TLN2: variants seen among roughly 807,000 people sequenced by gnomAD.
TLN2 encodes the protein talin-2.
In TLN2, 118 loss-of-function variants were observed where a neutral mutation model predicts 294.7. The observed-to-expected ratio is 0.40, with a 90% CI of 0.34 to 0.47. The LOEUF is 0.47. Among genes scored for constraint, TLN2 ranks in the 20% least tolerant of loss-of-function variants. The pLI, the probability that TLN2 is intolerant of heterozygous loss-of-function variation, is 0.84. For synonymous variants in TLN2, 1,431 were observed against 1,304.5 expected (o/e 1.10, Z -2.09); for missense variants, 3,083 against 3,282.2 (o/e 0.94, Z 1.48).
At position 62,455,572 on chromosome 15, in the gene TLN2, G is replaced by A. The variant is rs147080339; in HGVS notation, c.-238+64887G>A. ...TTTTAGAAAGAGTAACCTACACCTC[G>A]TTCCTACTCATCGACTTCTGCGGTT... On this transcript the variant is annotated intron_variant, in intron 1 of 58. Coordinates refer to ENST00000636159, the MANE Select transcript of TLN2 (RefSeq NM_015059.3). 1.8e-3 allele frequency among the ~76,000 whole-genome samples: 281 copies of A among 152,254 alleles called. 2 individuals carry two copies. The highest frequency in any genetic ancestry group is 5.0e-3 in the Admixed American group (77 of 15,292).
At chr15:62,697,228 C>G (rs1008470576) in intron 14 of TLN2, among the ~76,000 whole-genome samples, 2 of 152,090 alleles carry the variant, frequency 1.3e-5, no homozygotes, top group African/African-American at 4.8e-5. Flanking sequence ...TCACCTCATC[C>G]TCTTGAATAG....
chr15:62,576,375 G>C (rs1237322621), intron 1 of TLN2, among the ~76,000 whole-genome samples: 2 of 152,116 alleles, frequency 1.3e-5, no homozygotes, highest in Admixed American at 6.5e-5. Flanking sequence ...TTAGACTCTA[G>C]AGGAGCACTG....
At chr15:62,592,415 G>C (rs1329114985) in intron 2 of TLN2, among the ~76,000 whole-genome samples, 1 of 152,136 alleles carries the variant, frequency 6.6e-6, no homozygotes. Context: ...TGCCTAATTG[G>C]TATGCTTCAC....
intron 1 of TLN2, among the ~76,000 whole-genome samples, chr15:62,582,112 C>T (rs1234226323): frequency 2.0e-5 from 3 of 150,348 alleles, no homozygotes; most frequent in African/African-American, 4.9e-5. Context: ...GAGAGGAAAA[C>T]GAGGGCTTAA....
chr15:62,765,496 C>T (rs1376140301), intron 40 of TLN2, among the ~76,000 whole-genome samples: 4 of 152,152 alleles, frequency 2.6e-5, no homozygotes, highest in South Asian at 4.2e-4. Context: ...GCAGAGTTCA[C>T]TCAATTCCAT....
intron 12 of TLN2, among the ~76,000 whole-genome samples, chr15:62,688,395 A>T (rs2057476365): frequency 6.6e-6 from 1 of 152,044 alleles, no homozygotes; most frequent in South Asian, 2.1e-4. Context: ...GTCCTTTTGA[A>T]ATTTTAAGGT....
At chr15:62,736,747 AATTCAAATTTTATGAAGACT>A in intron 28 of TLN2, 111 bp from the exon 29 acceptor site, 3 of 999,144 alleles carry the variant, frequency 3.0e-6, no homozygotes, top group Non-Finnish European at 4.4e-6. Flanking sequence ...GAAACACAGC[AATTCAAATTTTATGAAGACT>A]AATCTGCAGC....
intron 40 of TLN2, among the ~76,000 whole-genome samples, chr15:62,764,898 C>T (rs2062896572): frequency 6.8e-6 from 1 of 146,784 alleles, no homozygotes; most frequent in East Asian, 2.0e-4. Context: ...ATGTGGGAGG[C>T]GGAGAGTGCA....
chr15:62,668,184 A>G (rs1041844499), intron 9 of TLN2, among the ~76,000 whole-genome samples: 1 of 152,180 alleles, frequency 6.6e-6, no homozygotes, highest in African/African-American at 2.4e-5. Flanking sequence ...GAAATTTGCA[A>G]AGAGTAAATT....
chr15:62,781,181 C>T lies in TLN2; in HGVS notation c.5556C>T (p.Val1852=), dbSNP rs746835387. The change falls in exon 44 of 59, where the codon GTC becomes GTT. Residue 1852 remains valine (V), a synonymous_variant. Coordinates refer to ENST00000636159, the MANE Select transcript of TLN2 (RefSeq NM_015059.3). ...GTPPEPKGTF[V]DYQTTVVKYS... ...CTCCAGAACCAAAGGGAACATTTGT[C>T]GACTATCAGACGACTGTGGTTAAAT... 9 of 1,614,152 alleles carry T rather than the reference C, an allele frequency of 5.6e-6. No individual in the cohort carries two copies. Among genetic ancestry groups the T allele is most frequent in the East Asian group, 2.2e-5 (1 of 44,880 alleles).
At chr15:62,690,521 T>G (rs2057770626) in intron 12 of TLN2, 1 of 161,330 alleles carries the variant, frequency 6.2e-6, no homozygotes, top group Non-Finnish European at 1.3e-5. Context: ...TGCTCCTCAC[T>G]TTCCAGACTG....
chr15:62,696,447 C>T lies in TLN2; in HGVS notation c.1293-1241C>T, dbSNP rs535004112. Among the ~76,000 whole-genome samples the T allele has an allele frequency of 1.1e-4, 17 of 152,360 alleles. No individual in the cohort carries two copies. The East Asian group carries it at 3.3e-3, about 29-fold the overall frequency. ...TTTGGCTGGGCACTGTGGCTCACGC[C>T]TGTATTCCCAGCACTTTGGGAGGCT... On this transcript the variant is annotated intron_variant, in intron 14 of 58. Transcript: ENST00000636159.
rs2034024029 is a variant in TLN2, at chr15:62,415,553, G to A, written c.-238+24868G>A. 2.9e-5 allele frequency among the ~76,000 whole-genome samples: 3 copies of A among 101,802 alleles called. 1 individual carries two copies. The highest frequency in any genetic ancestry group is 6.0e-5 in the Non-Finnish European group (3 of 49,628). 66.8% of individuals were successfully genotyped at this position (101,802 alleles called of 152,430 possible). A position where few individuals can be genotyped will look rare whatever the true frequency, so the allele number is the denominator to read the frequency against. On this transcript the variant is annotated intron_variant, in intron 1 of 58. Transcript: ENST00000636159. The stretch of plus-strand genomic sequence containing the variant: ...TTACTTTGACTTTGAGGGGAAAGAG[G>A]ACAGCTAACAGTGCCCATTCATTTA...
chr15:62,569,889 T>A lies in TLN2; in HGVS notation c.-237-19798T>A, dbSNP rs185325001. On this transcript the variant is annotated intron_variant, in intron 1 of 58. Coordinates refer to ENST00000636159, the MANE Select transcript of TLN2 (RefSeq NM_015059.3). ...ATGGGTTATATTTCAGGGTTAATAATCAAGCTAAAGTTAATCCCTGGCTTT... is the reference window on the plus strand; with the variant it reads ...ATGGGTTATATTTCAGGGTTAATAAACAAGCTAAAGTTAATCCCTGGCTTT... 5.9e-5 allele frequency among the ~76,000 whole-genome samples: 9 copies of A among 152,364 alleles called. No individual in the cohort carries two copies. The East Asian group carries it at 1.5e-3, about 26-fold the overall frequency.
chr15:62,744,461 G>A (rs1338666394), intron 32 of TLN2, among the ~76,000 whole-genome samples: 1 of 145,276 alleles, frequency 6.9e-6, no homozygotes, highest in Non-Finnish European at 1.5e-5. Context: ...GCTCAGCCTG[G>A]TCTGGAACTC....
Position 62,472,530 on chromosome 15 carries a change from C to T in TLN2, c.-238+81845C>T, listed in dbSNP as rs142042614. 7.9e-5 allele frequency among the ~76,000 whole-genome samples: 12 copies of T among 152,306 alleles called. No individual in the cohort carries two copies. In the East Asian group the frequency reaches 2.3e-3, roughly 29 times the overall value. ...CACTGAGTATGGGGTGTGGGCCATC[C>T]AAAACTGGGTTCAAATGTTGCTTGA... On this transcript the variant is annotated intron_variant, in intron 1 of 58. Transcript: ENST00000636159.
At chr15:62,803,535 C>G (rs565797280) in intron 50 of TLN2, among the ~76,000 whole-genome samples, 97 of 152,276 alleles carry the variant, frequency 6.4e-4, no homozygotes, top group Non-Finnish European at 1.0e-3. Flanking sequence ...TTTCAAATAG[C>G]CTGTCTTCAA....
chr15:62,771,670 G>A (rs1465387824), intron 42 of TLN2, among the ~76,000 whole-genome samples: 2 of 152,352 alleles, frequency 1.3e-5, no homozygotes, highest in Non-Finnish European at 2.9e-5. Context: ...GGGAACTGAA[G>A]AAGAGAGAAT....
intron 3 of TLN2, among the ~76,000 whole-genome samples, chr15:62,634,684 TTTA>T (rs1471487272): frequency 6.6e-6 from 1 of 152,248 alleles, no homozygotes; most frequent in Non-Finnish European, 1.5e-5. Flanking sequence ...CTGGCTTTAT[TTTA>T]TTAACTAAAG....
Sources: gnomAD v4.1 joint callset for allele counts (sites outside exome capture counted in the v4.1 genomes callset) on GRCh38, gnomAD v4.1.1 for gene constraint, MANE v1.5 for transcripts, NCBI Gene and HGNC (gene_info 2026-07-23, HGNC 2026-07-21) for gene names.